Variants in RAB10 observed in about 807,000 individuals in gnomAD.
RAB10 encodes ras-related protein Rab-10.
RAB10 carries 5 observed loss-of-function variants against 25.7 expected under a neutral mutation model. That is an observed-to-expected ratio of 0.19 (90% CI 0.10 to 0.41). The LOEUF (loss-of-function observed/expected upper bound fraction) is 0.41. Ranked by LOEUF, RAB10 falls within the 10% of genes least tolerant of loss-of-function variation. The probability of loss-of-function intolerance (pLI) is 1.00; values close to 1 mark genes in which losing one functional copy is unlikely to be tolerated. For synonymous variants in RAB10, 89 were observed against 86.4 expected, an observed-to-expected ratio of 1.03 and a Z score of -0.16; for missense variants, 103 against 245.8, an observed-to-expected ratio of 0.42 and a Z score of 3.89.
chr2:26,047,148 C>T (rs1666028744), intron 1 of RAB10, among the ~76,000 whole-genome samples: 1 of 151,912 alleles, frequency 6.6e-6, no homozygotes, highest in Non-Finnish European at 1.5e-5. Flanking sequence ...TTCATGTATC[C>T]ACCACCATAG....
In RAB10 at chr2:26,050,326, A is replaced by G. The variant is rs371052348; in HGVS notation, c.127+15591A>G. On this transcript the variant is annotated intron_variant, in intron 1 of 5. Coordinates refer to ENST00000264710, the MANE Select transcript of RAB10 (RefSeq NM_016131.5). ...ACTCCATTGTCTTCTAGTTGCTGAC[A>G]GTTCTGATACCATTCTGATTCTTTA... Among the ~76,000 whole-genome samples, 10 of 152,292 alleles carry G rather than the reference A, an allele frequency of 6.6e-5. No homozygotes were observed. The East Asian group carries it at 1.9e-3, about 29-fold the overall frequency.
chr2:26,058,943 G>C (rs771011121), intron 1 of RAB10, among the ~76,000 whole-genome samples: 61 of 152,276 alleles, frequency 4.0e-4, no homozygotes, highest in Admixed American at 1.8e-3. Context: ...ATCTCCTTTA[G>C]AATCTGAACT....
chr2:26,050,997 CA>C (rs1666120210), intron 1 of RAB10, among the ~76,000 whole-genome samples: 1 of 152,106 alleles, frequency 6.6e-6, no homozygotes, highest in Non-Finnish European at 1.5e-5. Context: ...GGGCTCTCTG[CA>C]GCCTCAACCT....
At chr2:26,122,793 G>A (rs1574562516) in intron 3 of RAB10, among the ~76,000 whole-genome samples, 1 of 152,264 alleles carries the variant, frequency 6.6e-6, no homozygotes, top group African/African-American at 2.4e-5. Flanking sequence ...AAAATGGCAG[G>A]CTAACAGGAG....
At position 26,136,123 on chromosome 2, in the gene RAB10, G is replaced by A. The variant is rs1406298695; in HGVS notation, c.*1102G>A. 6.6e-6 allele frequency: 1 copy of A among 152,516 alleles called. No individual in the cohort carries two copies. Among genetic ancestry groups the A allele is most frequent in the Non-Finnish European group, 1.5e-5 (1 of 68,028 alleles). 9.4% of individuals were successfully genotyped at this position (152,516 alleles called of 1,614,324 possible). ...TAACTGCATGCACTAGTGTTTGGAG[G>A]GTGTTGTGGTTTGTCTTTCTAATTA... On this transcript the variant is annotated 3_prime_UTR_variant, in exon 6 of 6. Coordinates refer to ENST00000264710, the MANE Select transcript of RAB10 (RefSeq NM_016131.5).
intron 5 of RAB10, among the ~76,000 whole-genome samples, chr2:26,133,051 TGGA>T (rs1365682098): frequency 6.6e-6 from 1 of 152,138 alleles, no homozygotes; most frequent in African/African-American, 2.4e-5. Flanking sequence ...TTAACATACA[TGGA>T]GGAGAAGAAT....
chr2:26,062,993 T>A (rs1373763097), intron 1 of RAB10, among the ~76,000 whole-genome samples: 1 of 151,776 alleles, frequency 6.6e-6, no homozygotes, highest in Non-Finnish European at 1.5e-5. Context: ...CAGGCGCCTA[T>A]AATCCCGGCT....
chr2:26,062,138 A>T (rs1372292981), intron 1 of RAB10, among the ~76,000 whole-genome samples: 1 of 152,220 alleles, frequency 6.6e-6, no homozygotes, highest in Non-Finnish European at 1.5e-5. Flanking sequence ...AATAATATAT[A>T]CATCTGTTTT....
At chr2:26,094,215 C>A (rs1007828372) in intron 1 of RAB10, among the ~76,000 whole-genome samples, 1 of 109,594 alleles carries the variant, frequency 9.1e-6, no homozygotes, top group Non-Finnish European at 2.0e-5. Flanking sequence ...AAAAAAGCCC[C>A]CTTATTTCAT....
intron 1 of RAB10, among the ~76,000 whole-genome samples, chr2:26,080,356 G>T (rs761834924): frequency 2.6e-5 from 4 of 152,040 alleles, no homozygotes; most frequent in Non-Finnish European, 4.4e-5. Context: ...AAATTGTTGC[G>T]GCAGGAGCCA....
At chr2:26,051,344 C>T (rs1277054313) in intron 1 of RAB10, among the ~76,000 whole-genome samples, 2 of 122,580 alleles carry the variant, frequency 1.6e-5, no homozygotes, top group African/African-American at 3.0e-5. Context: ...TCCCTTCCTT[C>T]AAGTCCTCCC....
chr2:26,094,503 C>T (rs1266322737), intron 1 of RAB10, among the ~76,000 whole-genome samples: 8 of 152,140 alleles, frequency 5.3e-5, no homozygotes, highest in Non-Finnish European at 1.2e-4. Flanking sequence ...CCTGCCGCCT[C>T]AGCCTCTGAA....
chr2:26,118,161 C>T (rs566450547), intron 3 of RAB10, among the ~76,000 whole-genome samples: 38 of 152,056 alleles, frequency 2.5e-4, no homozygotes, highest in African/African-American at 8.4e-4. Flanking sequence ...TTAGTAGAGA[C>T]GGGGTTTCAC....
At chr2:26,127,115 T>C (rs770603216) in intron 3 of RAB10, 29 bp from the exon 4 acceptor site, 2 of 1,525,948 alleles carry the variant, frequency 1.3e-6, no homozygotes, top group African/African-American at 1.4e-5. Flanking sequence ...CATGGTAGTA[T>C]GTAAAAGTAA....
chr2:26,070,321 G>A (rs1214949859), intron 1 of RAB10, among the ~76,000 whole-genome samples: 1 of 152,208 alleles, frequency 6.6e-6, no homozygotes, highest in African/African-American at 2.4e-5. Context: ...AAATCAAGTA[G>A]TTGTGTGATT....
At chr2:26,081,170 G>T (rs2149273750) in intron 1 of RAB10, among the ~76,000 whole-genome samples, 1 of 152,192 alleles carries the variant, frequency 6.6e-6, no homozygotes, top group South Asian at 2.1e-4. Context: ...CTTGCCTTCT[G>T]CCTTGATTGT....
chr2:26,052,411 A>G (rs2149264501), intron 1 of RAB10, among the ~76,000 whole-genome samples: 1 of 152,066 alleles, frequency 6.6e-6, no homozygotes, highest in East Asian at 1.9e-4. Flanking sequence ...TCAAGGTCTA[A>G]ACATGGGCAG....
At chr2:26,113,104 A>G (rs1233270356) in intron 3 of RAB10, among the ~76,000 whole-genome samples, 1 of 152,034 alleles carries the variant, frequency 6.6e-6, no homozygotes, top group Non-Finnish European at 1.5e-5. Context: ...GAAAGAGGAA[A>G]TCTTGTTTCT....
chr2:26,084,609 C>G (rs1210768190), intron 1 of RAB10, among the ~76,000 whole-genome samples: 2 of 152,148 alleles, frequency 1.3e-5, no homozygotes, highest in African/African-American at 2.4e-5. Flanking sequence ...CAGAGGAATA[C>G]AAAAGTGTGC....
Sources: allele counts gnomAD v4.1 joint callset (sites outside exome capture counted in the v4.1 genomes callset), GRCh38; gene constraint gnomAD v4.1.1; transcripts MANE v1.5; gene names NCBI Gene and HGNC (gene_info 2026-07-23, HGNC 2026-07-21).